FAM178B: variants seen among roughly 807,000 people sequenced by gnomAD.
The protein encoded by FAM178B is protein FAM178B.
A neutral mutation model predicts 91.7 loss-of-function variants in FAM178B; 82 were observed. The observed-to-expected ratio is 0.89, with a 90% CI of 0.75 to 1.07. The LOEUF (loss-of-function observed/expected upper bound fraction) is 1.07, where lower values mean the gene tolerates loss of function less well. Ranked by LOEUF, FAM178B falls within the 50% of genes least tolerant of loss-of-function variation. The pLI, the probability that FAM178B is intolerant of heterozygous loss-of-function variation, is 0.00. For synonymous variants in FAM178B, 368 were observed against 359.4 expected, an observed-to-expected ratio of 1.02 and a Z score of -0.27; for missense variants, 769 against 846.7, an observed-to-expected ratio of 0.91 and a Z score of 1.14.
intron 14 of FAM178B, among the ~76,000 whole-genome samples, chr2:96,881,747 G>A (rs1655413776): frequency 7.1e-6 from 1 of 141,240 alleles, no homozygotes; most frequent in South Asian, 2.6e-4. Flanking sequence ...GGGGCAGGGA[G>A]GGGGGAGGGG....
chr2:96,956,144 C>T (rs746652313), intron 6 of FAM178B, among the ~76,000 whole-genome samples: 2 of 152,246 alleles, frequency 1.3e-5, no homozygotes, highest in Non-Finnish European at 2.9e-5. Flanking sequence ...TTCCAACTTC[C>T]GCCCCCGAGT....
intron 12 of FAM178B, among the ~76,000 whole-genome samples, chr2:96,904,031 T>C (rs2080984294): frequency 6.6e-6 from 1 of 151,900 alleles, no homozygotes; most frequent in African/African-American, 2.4e-5. Flanking sequence ...GGGCGCAGGG[T>C]TATGGGCACT....
intron 6 of FAM178B, among the ~76,000 whole-genome samples, chr2:96,954,979 G>A (rs546802574): frequency 1.4e-4 from 22 of 152,270 alleles, no homozygotes; most frequent in Non-Finnish European, 2.4e-4. Flanking sequence ...TGAGCCGGGA[G>A]TTGGAGGCTG....
In FAM178B at chr2:96,876,280, ATGTCT is replaced by A. The variant is rs1175694400; in HGVS notation, c.2031_2035del (p.Lys677AsnfsTer38). 6.2e-7 allele frequency: 1 copy of A among 1,608,222 alleles called. No individual in the cohort carries two copies. Among genetic ancestry groups the A allele is most frequent in the Admixed American group, 1.7e-5 (1 of 59,202 alleles). On this transcript the variant is annotated frameshift_variant, in exon 17 of 17. Coordinates refer to ENST00000490605, the MANE Select transcript of FAM178B (RefSeq NM_001122646.3). LOFTEE classifies it high-confidence loss of function. Reference sequence around the variant, plus strand: ...GGCTGCCCTGACCCTGTCCCTTTAGATGTCTTTCCAGGGGCTGAAATACTGGGCCT... The same window carrying A: ...GGCTGCCCTGACCCTGTCCCTTTAGATTCCAGGGGCTGAAATACTGGGCCT...
chr2:96,950,116 C>T (rs925351965), intron 7 of FAM178B: 7 of 985,400 alleles, frequency 7.1e-6, no homozygotes, highest in East Asian at 1.1e-4. Context: ...GAAACCGACA[C>T]GCCCCCGGGA....
intron 12 of FAM178B, among the ~76,000 whole-genome samples, chr2:96,920,199 C>T (rs11900466): frequency 0.1 from 15,581 of 152,170 alleles, 1,629 homozygotes; most frequent in African/African-American, 0.27. Context: ...CCTGTAAGAC[C>T]GTAGCCAAAA....
rs1341156969 is a variant in FAM178B at position 96,893,833 on chromosome 2, G to A, written c.1776+93C>T. Reference sequence around the variant, plus strand: ...TGGCCCTGGGGTTCTGGAAGGACCCGCAGGCCATGCAATGTGGACAGCCCT... The same window carrying A: ...TGGCCCTGGGGTTCTGGAAGGACCCACAGGCCATGCAATGTGGACAGCCCT... On this transcript the variant is annotated intron_variant, in intron 14 of 16. Transcript: ENST00000490605. 34 of 1,441,696 alleles carry A rather than the reference G, an allele frequency of 2.4e-5. 1 individual carries two copies. In the South Asian group the frequency reaches 2.5e-4, roughly 11 times the overall value. The allele number at this position is 1,441,696 out of a possible 1,614,324, so 89.3% of individuals were successfully genotyped here.
chr2:96,986,304 T>C lies in FAM178B; in HGVS notation c.10A>G (p.Arg4Gly). 1 of 1,534,182 alleles carries C rather than the reference T, an allele frequency of 6.5e-7. No individual in the cohort carries two copies. Among genetic ancestry groups the C allele is most frequent in the African/African-American group, 1.4e-5 (1 of 73,106 alleles). The change falls in exon 1 of 17, where the codon AGG (arginine) becomes GGG (glycine). Residue 4 changes from arginine (R) to glycine (G), a missense_variant. Transcript: ENST00000490605. ...GGAGCGAGGCCCGCACCTGGAAGCC[T>C]TGGCCACATAGGGCGGGAAGGGCAG... is the stretch of plus-strand genomic sequence containing the variant. MWPRLPGAGLAPQL... is the reference protein window; with the variant it reads MWPGLPGAGLAPQL...
rs2080240167 is a variant in FAM178B at position 96,876,314 on chromosome 2, G to T, written c.2008-6C>A. The T allele has an allele frequency of 6.2e-7, 1 of 1,600,390 alleles. No individual in the cohort carries two copies. The highest frequency in any genetic ancestry group is 8.5e-7 in the Non-Finnish European group (1 of 1,174,864). ...CAGGGGCTGAAATACTGGGCCTGCG[G>T]CGAGGAGAAAAGCAGGCTGTGAGGG... On this transcript the variant is annotated splice_region_variant and splice_polypyrimidine_tract_variant and intron_variant, in intron 16 of 16. Coordinates refer to ENST00000490605, the MANE Select transcript of FAM178B (RefSeq NM_001122646.3).
At chr2:96,903,049 AT>A (rs1186813885) in intron 12 of FAM178B, among the ~76,000 whole-genome samples, 3 of 151,494 alleles carry the variant, frequency 2.0e-5, no homozygotes, top group Non-Finnish European at 4.4e-5. Flanking sequence ...ATTTTATTTT[AT>A]TTTTTTTGAG....
Position 96,877,934 on chromosome 2 carries a change from T to G in FAM178B, c.1963A>C (p.Thr655Pro), listed in dbSNP as rs757301305. ...RTMLKDLATQ[T>P]YIRWQELLTH... is the part of the protein sequence containing the mutation. ...AGCAGCTCCTGCCAACGGATGTAGG[T>G]CTGGGTAGCCAGGTCCTTGAGCATG... Residue 655 changes from threonine to proline, a missense_variant, in exon 16 of 17, where the codon ACC (threonine) becomes CCC (proline). Coordinates refer to ENST00000490605, the MANE Select transcript of FAM178B (RefSeq NM_001122646.3). The G allele has an allele frequency of 1.2e-6, 2 of 1,613,666 alleles. No homozygotes were observed. The highest frequency in any genetic ancestry group is 1.7e-6 in the Non-Finnish European group (2 of 1,179,996).
chr2:96,942,103 T>C (rs2081742001), intron 8 of FAM178B, among the ~76,000 whole-genome samples: 1 of 152,214 alleles, frequency 6.6e-6, no homozygotes. Context: ...ACATCTCTAC[T>C]TATAACAGCA....
At chr2:96,926,173 C>T (rs748705190) in intron 9 of FAM178B, among the ~76,000 whole-genome samples, 4 of 152,102 alleles carry the variant, frequency 2.6e-5, no homozygotes, top group Admixed American at 6.6e-5. Context: ...CATTGTAGTA[C>T]GCACCTGTAA....
intron 14 of FAM178B, among the ~76,000 whole-genome samples, chr2:96,878,896 TGCAG>T (rs1252843607): frequency 1.3e-5 from 2 of 152,154 alleles, no homozygotes; most frequent in Non-Finnish European, 2.9e-5. Context: ...CCAAAACGGG[TGCAG>T]CCTGCCTGGA....
At chr2:96,981,759 A>AAAAG (rs1553511904) in intron 1 of FAM178B, among the ~76,000 whole-genome samples, 50 of 149,370 alleles carry the variant, frequency 3.3e-4, no homozygotes, top group African/African-American at 1.1e-3. Flanking sequence ...AAAAAAAAAA[A>AAAAG]AAAGAAAGAA....
intron 14 of FAM178B, among the ~76,000 whole-genome samples, chr2:96,882,254 C>A (rs2080403034): frequency 6.6e-6 from 1 of 152,224 alleles, no homozygotes; most frequent in African/African-American, 2.4e-5. Flanking sequence ...AAACTGGGAA[C>A]TCTGTAGCCA....
intron 13 of FAM178B, among the ~76,000 whole-genome samples, chr2:96,898,833 G>C (rs182977124): frequency 1.3e-5 from 2 of 152,310 alleles, no homozygotes; most frequent in Admixed American, 1.3e-4. Flanking sequence ...ACTGCGGGTC[G>C]GGGGTGACAG....
In FAM178B at chr2:96,954,439, G is replaced by A. The variant is rs535191386; in HGVS notation, c.888-2955C>T. Among the ~76,000 whole-genome samples, 9 of 152,344 alleles carry A rather than the reference G, an allele frequency of 5.9e-5. No homozygotes were observed. In the East Asian group the frequency reaches 1.7e-3, roughly 29 times the overall value. On this transcript the variant is annotated intron_variant, in intron 6 of 16. Coordinates refer to ENST00000490605, the MANE Select transcript of FAM178B (RefSeq NM_001122646.3). ...ATGGGGGCAGCTGGGCTCAGCACAC[G>A]GGCCTTCCTAAGCAGAGCTCTGACC...
chr2:96,910,233 T>C lies in FAM178B; in HGVS notation c.1563-7526A>G, dbSNP rs371401398. ...ACCTGGAGGAGCACATCAAGCACCATTGCCCCCATCTCCTGGAAGCCCTCC... is the reference window on the plus strand; with the variant it reads ...ACCTGGAGGAGCACATCAAGCACCACTGCCCCCATCTCCTGGAAGCCCTCC... On this transcript the variant is annotated intron_variant, in intron 12 of 16. Coordinates refer to ENST00000490605, the MANE Select transcript of FAM178B (RefSeq NM_001122646.3). Among the ~76,000 whole-genome samples the C allele has an allele frequency of 1.6e-4, 25 of 152,158 alleles. No homozygotes were observed. The South Asian group carries it at 2.3e-3, about 14-fold the overall frequency.
Sources: allele counts gnomAD v4.1 joint callset (sites outside exome capture counted in the v4.1 genomes callset), GRCh38; gene constraint gnomAD v4.1.1; transcripts MANE v1.5; gene names NCBI Gene and HGNC (gene_info 2026-07-23, HGNC 2026-07-21).